The following SH3BP5L variants were observed in gnomAD, a reference collection of about 807,000 sequenced individuals.
SH3BP5L encodes SH3 domain-binding protein 5-like.
A neutral mutation model predicts 40.9 loss-of-function variants in SH3BP5L; 16 were observed. The ratio of observed to expected loss-of-function variants is 0.39; its 90% CI spans 0.27 to 0.59. The LOEUF (loss-of-function observed/expected upper bound fraction) is 0.59. Ranked by LOEUF, SH3BP5L falls within the 20% of genes least tolerant of loss-of-function variation. SH3BP5L has a pLI of 0.53. For synonymous variants in SH3BP5L, 229 were observed against 226.7 expected (o/e 1.01, Z -0.09); for missense variants, 471 against 544.6 (o/e 0.86, Z 1.35).
intron 2 of SH3BP5L, among the ~76,000 whole-genome samples, chr1:248,823,980 C>T (rs1478454447): frequency 6.6e-6 from 1 of 152,220 alleles, no homozygotes; most frequent in Non-Finnish European, 1.5e-5. Context: ...GGCCAGGCAT[C>T]TCTTCCACAT....
chr1:248,816,160 GAA>G, intron 4 of SH3BP5L: 1 of 186,870 alleles, frequency 5.4e-6, no homozygotes, highest in Non-Finnish European at 1.1e-5. Flanking sequence ...AGTAAGCAAA[GAA>G]AAGATTCAGA....
Position 248,816,589 on chromosome 1 carries a change from C to T in SH3BP5L, c.320G>A (p.Gly107Glu), listed in dbSNP as rs1440770811. The T allele has an allele frequency of 6.2e-7, 1 of 1,614,190 alleles. No homozygotes were observed. The highest frequency in any genetic ancestry group is 8.5e-7 in the Non-Finnish European group (1 of 1,180,038). The part of the protein sequence containing the change: ...RKLNTQGSHL[G>E]SCIEKARPYY... Reference sequence around the variant, plus strand: ...GGGCCGGGCTTTCTCGATGCAGCTCCCCAAGTGGGAACCCTGTGTATTCAG... The same window carrying T: ...GGGCCGGGCTTTCTCGATGCAGCTCTCCAAGTGGGAACCCTGTGTATTCAG... The change falls in exon 4 of 7, where the codon GGG (glycine) becomes GAG (glutamate). Residue 107 changes from glycine (G) to glutamate (E), a missense_variant. Transcript: ENST00000366472.
intron 4 of SH3BP5L, chr1:248,816,066 G>GT (rs565012475): frequency 9.4e-4 from 149 of 158,606 alleles, no homozygotes; most frequent in African/African-American, 3.4e-3. Context: ...GTTTTATTAT[G>GT]TTTTTCCAAT....
At position 248,812,383 on chromosome 1, in the gene SH3BP5L, G is replaced by A; in HGVS notation, c.712-13C>T. The A allele has an allele frequency of 6.3e-7, 1 of 1,599,554 alleles. No individual in the cohort carries two copies. The highest frequency in any genetic ancestry group is 1.1e-5 in the South Asian group (1 of 90,886). The stretch of plus-strand genomic sequence containing the variant: ...TGGCCTTGTGCTCCTGCAGAGGGCA[G>A]AGCAGAGCAAGGCGACCCATGGGGC... On this transcript the variant is annotated splice_polypyrimidine_tract_variant and intron_variant, in intron 6 of 6. Coordinates refer to ENST00000366472, the MANE Select transcript of SH3BP5L (RefSeq NM_030645.3). This position sits in a 1 kb window ranked among gnomAD's most constrained non-coding sequence, Gnocchi z 6.1.
chr1:248,811,971 G>T lies in SH3BP5L; in HGVS notation c.1111C>A (p.Arg371=), dbSNP rs370746257. ...TCGCTGCCCCGGCGCCCTCCACTCC[G>T]CGTTCCCAGCTCTTGGCCGTCCAGA... is the stretch of plus-strand genomic sequence containing the variant. ...VSLDGQELGT[R]SGGRRGSDGG... Residue 371 remains arginine (R), a synonymous_variant, in exon 7 of 7, where the codon CGG becomes AGG. Transcript: ENST00000366472. 6.3e-7 allele frequency: 1 copy of T among 1,591,904 alleles called. No individual in the cohort carries two copies. Among genetic ancestry groups the T allele is most frequent in the Admixed American group, 1.8e-5 (1 of 56,016 alleles).
chr1:248,813,121 C>G lies in SH3BP5L; in HGVS notation c.579G>C (p.Glu193Asp), dbSNP rs1180945793. 2 of 1,609,254 alleles carry G rather than the reference C, an allele frequency of 1.2e-6. No individual in the cohort carries two copies. The highest frequency in any genetic ancestry group is 2.2e-5 in the South Asian group (2 of 90,526). The change falls in exon 6 of 7, where the codon GAG (glutamate) becomes GAC (aspartate). Residue 193 changes from glutamate to aspartate, a missense_variant. Glu to Asp is a conservative substitution (Grantham distance 45). Around this residue, in one of 2 missense-constraint regions of SH3BP5L, gnomAD observed 275 missense variants for 370.1 expected, o/e 0.74. Transcript: ENST00000366472. ...GGCACAGCCGAGTCACTCGCTGGTG[C>G]TCCCGCTCACCTCGAAGCCGCTCTT... ...AEEERLRGER[E>D]HQRVTRLCQQ...
rs1664260211 is a variant in SH3BP5L at position 248,821,807 on chromosome 1, C to T, written c.183+2946G>A. Among the ~76,000 whole-genome samples, 2 of 152,188 alleles carry T rather than the reference C, an allele frequency of 1.3e-5. No individual in the cohort carries two copies. The highest frequency in any genetic ancestry group is 2.4e-5 in the African/African-American group (1 of 41,446). On this transcript the variant is annotated intron_variant, in intron 2 of 6. Transcript: ENST00000366472. The surrounding 1 kb of genome is among the most constrained non-coding windows in gnomAD (Gnocchi z 4.6). ...AGGGACAGCACGCTCCAGGTAGGCACCAGCTGACTTCCTTCTAACTTCCAG... is the reference window on the plus strand; with the variant it reads ...AGGGACAGCACGCTCCAGGTAGGCATCAGCTGACTTCCTTCTAACTTCCAG...
Position 248,811,948 on chromosome 1 carries a change from G to A in SH3BP5L, c.1134C>T (p.Ser378=), listed in dbSNP as rs1663944791. The A allele has an allele frequency of 6.4e-7, 1 of 1,564,142 alleles. No individual in the cohort carries two copies. Among genetic ancestry groups the A allele is most frequent in the Non-Finnish European group, 8.7e-7 (1 of 1,154,776 alleles). The change falls in exon 7 of 7, where the codon AGC becomes AGT. Residue 378 remains serine, a synonymous_variant. Coordinates refer to ENST00000366472, the MANE Select transcript of SH3BP5L (RefSeq NM_030645.3). ...GCCGACCCCCACGGGCTCCGCCGTC[G>A]CTGCCCCGGCGCCCTCCACTCCGCG... ...LGTRSGGRRG[S]DGGARGGRHQ... is the part of the protein sequence containing the mutation.
chr1:248,822,541 GGA>G (rs1431140644), intron 2 of SH3BP5L, among the ~76,000 whole-genome samples: 1 of 152,220 alleles, frequency 6.6e-6, no homozygotes, highest in Non-Finnish European at 1.5e-5. Flanking sequence ...CAAGTTCACT[GGA>G]GGCAAAGTAA....
intron 2 of SH3BP5L, chr1:248,817,179 G>C (rs570399373): frequency 1.5e-6 from 1 of 661,814 alleles, no homozygotes; most frequent in East Asian, 4.3e-5. Flanking sequence ...TATGCACAAC[G>C]TGAAGTTGTG....
At chr1:248,817,013 A>G (rs749520073) in intron 2 of SH3BP5L, 129 bp from the exon 3 acceptor site, 128 of 1,562,618 alleles carry the variant, frequency 8.2e-5, no homozygotes, top group Non-Finnish European at 1.0e-4. Flanking sequence ...ACACTCAGGA[A>G]AGGAAAGAAG....
intron 2 of SH3BP5L, among the ~76,000 whole-genome samples, chr1:248,822,450 C>G (rs1476091323): frequency 6.6e-6 from 1 of 152,218 alleles, no homozygotes; most frequent in Non-Finnish European, 1.5e-5. Flanking sequence ...CCCTATACAA[C>G]CCACAACATT....
At position 248,810,939 on chromosome 1, in the gene SH3BP5L, T is replaced by C. The variant is rs938361783; in HGVS notation, c.*961A>G. The C allele has an allele frequency of 1.3e-5, 2 of 152,626 alleles. No homozygotes were observed. The highest frequency in any genetic ancestry group is 2.1e-4 in the South Asian group (1 of 4,828). 9.5% of individuals were successfully genotyped at this position (152,626 alleles called of 1,614,324 possible). A position where few individuals can be genotyped will look rare whatever the true frequency, so the allele number is the denominator to read the frequency against. ...TTTGGGGAAGAGCAAGGGAGAGCAATTGAGCACCAAATTCCCTAACCCCGT... is the reference window on the plus strand; with the variant it reads ...TTTGGGGAAGAGCAAGGGAGAGCAACTGAGCACCAAATTCCCTAACCCCGT... On this transcript the variant is annotated 3_prime_UTR_variant, in exon 7 of 7. Transcript: ENST00000366472.
chr1:248,823,001 G>A (rs1198877523), intron 2 of SH3BP5L, among the ~76,000 whole-genome samples: 1 of 152,152 alleles, frequency 6.6e-6, no homozygotes, highest in Non-Finnish European at 1.5e-5. Flanking sequence ...TTAATTGATT[G>A]TGTTTAAATA....
chr1:248,825,609 G>A (rs900084105), intron 1 of SH3BP5L: 2 of 168,410 alleles, frequency 1.2e-5, no homozygotes, highest in South Asian at 3.9e-4. Flanking sequence ...ACTTTCCTCT[G>A]CACCCCTAGG....
At chr1:248,814,669 A>G in intron 4 of SH3BP5L, 59 bp from the exon 5 acceptor site, 1 of 1,572,462 alleles carries the variant, frequency 6.4e-7, no homozygotes, top group Non-Finnish European at 8.8e-7. Flanking sequence ...GCCCATGGAG[A>G]CCCATAATAG....
At position 248,812,141 on chromosome 1, in the gene SH3BP5L, G is replaced by T. The variant is rs780117504; in HGVS notation, c.941C>A (p.Ala314Glu). 1 of 1,601,652 alleles carries T rather than the reference G, an allele frequency of 6.2e-7. No individual in the cohort carries two copies. Among genetic ancestry groups the T allele is most frequent in the Non-Finnish European group, 8.5e-7 (1 of 1,174,184 alleles). Residue 314 changes from alanine to glutamate, a missense_variant, in exon 7 of 7, where the codon GCG (alanine) becomes GAG (glutamate). Ala to Glu is a moderately radical substitution (Grantham distance 107, BLOSUM62 -1). Around this residue, in one of 2 missense-constraint regions of SH3BP5L, gnomAD observed 196 missense variants for 174.6 expected, o/e 1.12. Transcript: ENST00000366472. This position sits in a 1 kb window ranked among gnomAD's most constrained non-coding sequence, Gnocchi z 6.1. ...GDSGIEGAEG[A>E]GLEEGSSLGP... is the part of the protein sequence containing the mutation. ...CAGGCTGCTGCCCTCCTCCAGCCCC[G>T]CACCCTCGGCCCCCTCAATCCCGCT...
intron 4 of SH3BP5L, 95 bp from the exon 5 acceptor site, chr1:248,814,705 G>T (rs1664053986): frequency 1.6e-6 from 2 of 1,280,168 alleles, no homozygotes; most frequent in Non-Finnish European, 2.3e-6. Flanking sequence ...AAGGAGGAAG[G>T]CCTACTAGCA....
Position 248,812,439 on chromosome 1 carries a change from G to C in SH3BP5L, c.712-69C>G. The C allele has an allele frequency of 8.1e-7, 1 of 1,229,016 alleles. No individual in the cohort carries two copies. The highest frequency in any genetic ancestry group is 1.9e-5 in the Admixed American group (1 of 51,978). The allele number at this position is 1,229,016 out of a possible 1,614,324, so 76.1% of individuals were successfully genotyped here. On this transcript the variant is annotated intron_variant, in intron 6 of 6. Transcript: ENST00000366472. The surrounding 1 kb of genome is among the most constrained non-coding windows in gnomAD (Gnocchi z 6.1). ...TCCACCTTCCTCAGCACTCTGCACT[G>C]AGGTCTGAGGGCCTGCTCTCCCAGA...
Sources: gnomAD v4.1 joint callset for allele counts (sites outside exome capture counted in the v4.1 genomes callset) on GRCh38, gnomAD v4.1.1 for gene constraint, gnomAD v4.1.1 regional missense constraint, Gnocchi (gnomAD v3.1) non-coding constraint, MANE v1.5 for transcripts, NCBI Gene and HGNC (gene_info 2026-07-23, HGNC 2026-07-21) for gene names.